Variants in GSK3B observed in about 807,000 individuals in gnomAD.
GSK3B encodes the protein glycogen synthase kinase 3 beta.
GSK3B carries 15 observed loss-of-function variants against 56.4 expected under a neutral mutation model. The observed-to-expected ratio is 0.27, with a 90% confidence interval of 0.18 to 0.41. The LOEUF (loss-of-function observed/expected upper bound fraction) is 0.41, where lower values mean the gene tolerates loss of function less well. Ranked by LOEUF, GSK3B falls within the 10% of genes least tolerant of loss-of-function variation. The probability of loss-of-function intolerance (pLI) is 1.00; values close to 1 mark genes in which losing one functional copy is unlikely to be tolerated. For synonymous variants in GSK3B, 181 were observed against 188.9 expected (o/e 0.96, Z 0.34); for missense variants, 300 against 513.4 (o/e 0.58, Z 4.02).
At chr3:120,043,663 C>T (rs765598406) in intron 1 of GSK3B, among the ~76,000 whole-genome samples, 1 of 152,206 alleles carries the variant, frequency 6.6e-6, no homozygotes, top group Non-Finnish European at 1.5e-5. Flanking sequence ...TAAAATCTTA[C>T]CTCCACTTTT....
intron 1 of GSK3B, among the ~76,000 whole-genome samples, chr3:120,070,050 T>C (rs1450419837): frequency 6.6e-6 from 1 of 151,834 alleles, no homozygotes; most frequent in East Asian, 1.9e-4. Flanking sequence ...CCGTCTATAC[T>C]AAAAATACAA....
chr3:119,911,363 C>T (rs1410311921), intron 6 of GSK3B, among the ~76,000 whole-genome samples: 1 of 152,122 alleles, frequency 6.6e-6, no homozygotes, highest in Non-Finnish European at 1.5e-5. Flanking sequence ...TCCATTTATG[C>T]AGCACAGGCA....
chr3:120,045,836 CT>C (rs1559889646), intron 1 of GSK3B, among the ~76,000 whole-genome samples: 1 of 152,114 alleles, frequency 6.6e-6, no homozygotes, highest in African/African-American at 2.4e-5. Context: ...ACCAAGATGT[CT>C]TTCAATAGGT....
At chr3:120,070,637 T>C (rs141749739) in intron 1 of GSK3B, among the ~76,000 whole-genome samples, 235 of 152,270 alleles carry the variant, frequency 1.5e-3, no homozygotes, top group Middle Eastern at 3.4e-3. Flanking sequence ...TCTTTCACTA[T>C]AGAAACACAC....
intron 3 of GSK3B, among the ~76,000 whole-genome samples, chr3:119,930,901 G>A (rs888208586): frequency 6.6e-6 from 1 of 152,134 alleles, no homozygotes; most frequent in Non-Finnish European, 1.5e-5. Context: ...TATTAACACA[G>A]CAGAATACAT....
chr3:119,965,284 G>A (rs2057309255), intron 2 of GSK3B, among the ~76,000 whole-genome samples: 1 of 148,294 alleles, frequency 6.7e-6, no homozygotes, highest in South Asian at 2.1e-4. Context: ...GGCTGGTCTT[G>A]AACTCCTGAC....
rs78334331 is a variant in GSK3B, at chr3:120,074,160, C to G, written c.88+19187G>C. On this transcript the variant is annotated intron_variant, in intron 1 of 10. Transcript: ENST00000264235. ...TCTCTACAAAAAATACAAAAATTAG[C>G]TGGGCGTTGTAGCACATATCTGCAG... Among the ~76,000 whole-genome samples, 656 of 152,028 alleles carry G rather than the reference C, an allele frequency of 4.3e-3. 4 individuals are homozygous for G. Among genetic ancestry groups the G allele is most frequent in the Middle Eastern group, 0.01 (3 of 294 alleles).
intron 6 of GSK3B, among the ~76,000 whole-genome samples, chr3:119,908,653 A>C (rs1048468426): frequency 6.6e-6 from 1 of 152,208 alleles, no homozygotes; most frequent in Non-Finnish European, 1.5e-5. Flanking sequence ...TTACATACAC[A>C]TACATATACA....
chr3:120,005,777 C>T (rs1169249753), intron 1 of GSK3B, among the ~76,000 whole-genome samples: 2 of 152,104 alleles, frequency 1.3e-5, no homozygotes, highest in Non-Finnish European at 2.9e-5. Context: ...CTGAAGGAAG[C>T]ACTAAACATG....
rs377570415 is a variant in GSK3B, at chr3:119,916,204, A to G, written c.478-30T>C. 9.0e-6 allele frequency: 14 copies of G among 1,560,806 alleles called. No homozygotes were observed. The African/African-American group carries it at 1.8e-4, about 20-fold the overall frequency. ...AATAGATAGTAGAAATTAATTAAAT[A>G]CTTCCTATTCTAAACAAATCAGAAT... On this transcript the variant is annotated intron_variant, in intron 4 of 10. Transcript: ENST00000264235.
At chr3:119,961,816 A>G (rs2057275326) in intron 2 of GSK3B, among the ~76,000 whole-genome samples, 1 of 152,170 alleles carries the variant, frequency 6.6e-6, no homozygotes. Flanking sequence ...TCAGCTGTGT[A>G]CATTAATGAT....
At chr3:120,017,234 T>A (rs183089883) in intron 1 of GSK3B, among the ~76,000 whole-genome samples, 161 of 152,292 alleles carry the variant, frequency 1.1e-3, no homozygotes, top group Admixed American at 2.5e-3. Flanking sequence ...TAATTACTTT[T>A]AAAAATACAA....
chr3:120,093,495 T>A lies in GSK3B; in HGVS notation c.-61A>T. On this transcript the variant is annotated 5_prime_UTR_variant, in exon 1 of 11. Transcript: ENST00000264235. Reference sequence around the variant, plus strand: ...CCTCCTTTTCTTCCTTTTGTCTTTATGTTGGGGTGTTAGGTTAACGATAAA... The same window carrying A: ...CCTCCTTTTCTTCCTTTTGTCTTTAAGTTGGGGTGTTAGGTTAACGATAAA... 2 of 1,086,170 alleles carry A rather than the reference T, an allele frequency of 1.8e-6. No individual in the cohort carries two copies. The highest frequency in any genetic ancestry group is 2.9e-6 in the Non-Finnish European group (2 of 701,588). 67.3% of individuals were successfully genotyped at this position (1,086,170 alleles called of 1,614,324 possible).
At chr3:119,970,781 C>T (rs970529856) in intron 2 of GSK3B, among the ~76,000 whole-genome samples, 8 of 149,850 alleles carry the variant, frequency 5.3e-5, no homozygotes, top group Non-Finnish European at 1.0e-4. Context: ...TGTGAGACTC[C>T]GTTTCAAAAA....
At chr3:120,090,162 G>C (rs1332650931) in intron 1 of GSK3B, among the ~76,000 whole-genome samples, 2 of 151,596 alleles carry the variant, frequency 1.3e-5, no homozygotes, top group African/African-American at 2.4e-5. Context: ...TATTTTCATT[G>C]ATCTGAAATA....
intron 7 of GSK3B, among the ~76,000 whole-genome samples, chr3:119,897,486 A>G (rs765347272): frequency 2.6e-5 from 4 of 151,908 alleles, no homozygotes; most frequent in South Asian, 2.1e-4. Context: ...TCCTTGTACT[A>G]TAATAGGGGA....
chr3:119,943,959 T>A (rs771181893), intron 3 of GSK3B, among the ~76,000 whole-genome samples: 4 of 150,440 alleles, frequency 2.7e-5, no homozygotes, highest in Non-Finnish European at 5.9e-5. Context: ...TCCAGAAAGG[T>A]GAAGACTAAA....
intron 1 of GSK3B, among the ~76,000 whole-genome samples, chr3:120,005,917 C>T (rs1278112358): frequency 6.6e-6 from 1 of 152,142 alleles, no homozygotes; most frequent in Non-Finnish European, 1.5e-5. Flanking sequence ...ATCAAATTCA[C>T]ATATAACAAT....
chr3:120,056,653 GTT>G (rs2058193627), intron 1 of GSK3B, among the ~76,000 whole-genome samples: 2 of 152,068 alleles, frequency 1.3e-5, no homozygotes, highest in South Asian at 4.2e-4. Flanking sequence ...GTTCTCAATA[GTT>G]TTTAAGAGTA....
Sources: gnomAD v4.1 joint callset for allele counts (sites outside exome capture counted in the v4.1 genomes callset) on GRCh38, gnomAD v4.1.1 for gene constraint, MANE v1.5 for transcripts, NCBI Gene and HGNC (gene_info 2026-07-23, HGNC 2026-07-21) for gene names.